PTPRK: variants seen among roughly 807,000 people sequenced by gnomAD.
The protein encoded by PTPRK is receptor-type tyrosine-protein phosphatase kappa.
A neutral mutation model predicts 178.0 loss-of-function variants in PTPRK; 75 were observed. That is an observed-to-expected ratio of 0.42 (90% confidence interval 0.35 to 0.51). The LOEUF is 0.51. Among genes scored for constraint, PTPRK ranks in the 20% least tolerant of loss-of-function variants. The pLI is 0.02. For missense variants in PTPRK, 1,441 were observed against 1,797.8 expected (o/e 0.80, Z 3.59); for synonymous variants, 637 against 620.6 (o/e 1.03, Z -0.39).
chr6:128,463,626 T>C (rs922481676), intron 1 of PTPRK, among the ~76,000 whole-genome samples: 2 of 151,646 alleles, frequency 1.3e-5, no homozygotes, highest in African/African-American at 4.8e-5. Context: ...CCTTTCCAGA[T>C]AACAACATAA....
At chr6:128,238,987 T>C (rs1813861553) in intron 5 of PTPRK, among the ~76,000 whole-genome samples, 1 of 152,136 alleles carries the variant, frequency 6.6e-6, no homozygotes, top group African/African-American at 2.4e-5. Flanking sequence ...CAAGGTATTA[T>C]TTCAATATTC....
At chr6:128,325,060 C>A (rs923384403) in intron 2 of PTPRK, among the ~76,000 whole-genome samples, 3 of 152,148 alleles carry the variant, frequency 2.0e-5, no homozygotes, top group African/African-American at 7.2e-5. Context: ...TATCTCAAGG[C>A]TTAATAAAAC....
intron 7 of PTPRK, among the ~76,000 whole-genome samples, chr6:128,157,080 T>C (rs1394094994): frequency 1.3e-5 from 2 of 152,082 alleles, no homozygotes; most frequent in Non-Finnish European, 2.9e-5. Flanking sequence ...CAAAAGTTTA[T>C]TCAAATTCTG....
chr6:128,185,603 T>A (rs538742147), intron 6 of PTPRK, among the ~76,000 whole-genome samples: 8 of 152,270 alleles, frequency 5.3e-5, no homozygotes, highest in Admixed American at 4.6e-4. Context: ...CACTTCTCAC[T>A]TTTCTCAGGA....
chr6:128,295,612 T>C (rs760849354), intron 3 of PTPRK, among the ~76,000 whole-genome samples: 2 of 152,096 alleles, frequency 1.3e-5, no homozygotes, highest in Non-Finnish European at 2.9e-5. Flanking sequence ...CTGATCACAG[T>C]TGATACTTTT....
chr6:128,487,728 G>A (rs955348617), intron 1 of PTPRK, among the ~76,000 whole-genome samples: 11 of 152,148 alleles, frequency 7.2e-5, no homozygotes, highest in African/African-American at 1.9e-4. Context: ...TTTTCCCTGC[G>A]TCTTTGGGCC....
At chr6:128,419,398 G>T (rs1387018786) in intron 1 of PTPRK, among the ~76,000 whole-genome samples, 1 of 152,138 alleles carries the variant, frequency 6.6e-6, no homozygotes, top group Non-Finnish European at 1.5e-5. Context: ...GGATCACGAC[G>T]TCAGGAGATC....
intron 11 of PTPRK, among the ~76,000 whole-genome samples, chr6:128,076,661 C>G (rs1194267678): frequency 6.6e-6 from 1 of 151,998 alleles, no homozygotes; most frequent in Non-Finnish European, 1.5e-5. Flanking sequence ...GCCTCTGGCT[C>G]AATTCTAGAA....
chr6:128,172,706 T>G (rs1461330901), intron 7 of PTPRK, among the ~76,000 whole-genome samples: 1 of 151,658 alleles, frequency 6.6e-6, no homozygotes, highest in Non-Finnish European at 1.5e-5. Context: ...ATACTAGATA[T>G]ATATGTATGT....
chr6:128,410,872 C>G (rs544072757), intron 1 of PTPRK, among the ~76,000 whole-genome samples: 1 of 152,254 alleles, frequency 6.6e-6, no homozygotes, highest in East Asian at 1.9e-4. Context: ...GCAAAACTTC[C>G]TTACCAGCCT....
chr6:128,078,951 A>T, intron 10 of PTPRK, 33 bp from the exon 11 acceptor site: 1 of 1,427,354 alleles, frequency 7.0e-7, no homozygotes, highest in Non-Finnish European at 9.9e-7. Flanking sequence ...AAAAAGGTTC[A>T]ATTAATTTAC....
chr6:128,236,033 CTT>C (rs545402412), intron 5 of PTPRK, among the ~76,000 whole-genome samples: 386 of 152,018 alleles, frequency 2.5e-3, no homozygotes, highest in Admixed American at 3.8e-3. Flanking sequence ...ATTAATTAAA[CTT>C]GATCATAGGT....
At chr6:128,073,934 T>A (rs574441057) in intron 11 of PTPRK, among the ~76,000 whole-genome samples, 2 of 152,140 alleles carry the variant, frequency 1.3e-5, no homozygotes, top group East Asian at 3.9e-4. Flanking sequence ...TTAGGAAAAT[T>A]AGAACTATTT....
intron 1 of PTPRK, among the ~76,000 whole-genome samples, chr6:128,515,412 GT>G (rs142937181): frequency 1.3e-5 from 2 of 151,370 alleles, no homozygotes; most frequent in African/African-American, 4.9e-5. Flanking sequence ...AACAGCATGA[GT>G]TTTGATTAAA....
intron 2 of PTPRK, among the ~76,000 whole-genome samples, chr6:128,351,154 A>C (rs1354469127): frequency 6.6e-6 from 1 of 152,216 alleles, no homozygotes; most frequent in African/African-American, 2.4e-5. Context: ...GGGCCTGATA[A>C]ATGAGATTTT....
intron 7 of PTPRK, among the ~76,000 whole-genome samples, chr6:128,180,367 A>G (rs1329911045): frequency 6.6e-6 from 1 of 152,088 alleles, no homozygotes; most frequent in East Asian, 1.9e-4. Context: ...CTTCCCTTTT[A>G]AGACAAATTA....
intron 5 of PTPRK, among the ~76,000 whole-genome samples, chr6:128,220,105 G>A (rs930900790): frequency 6.6e-6 from 1 of 151,836 alleles, no homozygotes; most frequent in Non-Finnish European, 1.5e-5. Flanking sequence ...GGAAATGACT[G>A]AAAAAAATTC....
chr6:128,199,377 A>G (rs1159625844), intron 6 of PTPRK, among the ~76,000 whole-genome samples: 1 of 152,188 alleles, frequency 6.6e-6, no homozygotes, highest in Non-Finnish European at 1.5e-5. Flanking sequence ...ATTCATATGT[A>G]AGATGCCATA....
chr6:128,277,953 A>T (rs546272323), intron 3 of PTPRK, among the ~76,000 whole-genome samples: 13 of 152,224 alleles, frequency 8.5e-5, no homozygotes, highest in African/African-American at 2.9e-4. Context: ...ATATTTTTTA[A>T]ATGGAATAAA....
Sources: allele counts gnomAD v4.1 joint callset (sites outside exome capture counted in the v4.1 genomes callset), GRCh38; gene constraint gnomAD v4.1.1; transcripts MANE v1.5; gene names NCBI Gene and HGNC (gene_info 2026-07-23, HGNC 2026-07-21).